PCDH15: variants seen among roughly 807,000 people sequenced by gnomAD.
The protein encoded by PCDH15 is protocadherin related 15.
PCDH15 carries 129 observed loss-of-function variants against 178.5 expected under a neutral mutation model. The observed-to-expected ratio is 0.72, with a 90% CI of 0.63 to 0.84. The LOEUF (loss-of-function observed/expected upper bound fraction) is 0.84, where lower values mean the gene tolerates loss of function less well. Among genes scored for constraint, PCDH15 ranks in the 40% least tolerant of loss-of-function variants. PCDH15 has a pLI of 0.00. For synonymous variants in PCDH15, 800 were observed against 732.0 expected (o/e 1.09, Z -1.50); for missense variants, 2,230 against 2,099.9 (o/e 1.06, Z -1.21).
At chr10:55,169,251 A>G (rs1839270712) in intron 1 of PCDH15, among the ~76,000 whole-genome samples, 1 of 152,198 alleles carries the variant, frequency 6.6e-6, no homozygotes, top group African/African-American at 2.4e-5. Context: ...CTAGTATTAA[A>G]ATGTAGTCAT....
intron 1 of PCDH15, among the ~76,000 whole-genome samples, chr10:54,718,453 C>T (rs1472749054): frequency 6.6e-6 from 1 of 151,922 alleles, no homozygotes; most frequent in East Asian, 1.9e-4. Context: ...CTATATGTAA[C>T]CAAAGAACTT....
intron 15 of PCDH15, among the ~76,000 whole-genome samples, chr10:54,098,319 T>C (rs1246305878): frequency 6.6e-6 from 1 of 152,078 alleles, no homozygotes; most frequent in East Asian, 1.9e-4. Flanking sequence ...GGCACACTGA[T>C]ATAAATATTT....
At chr10:54,389,705 G>A (rs559375473) in intron 3 of PCDH15, among the ~76,000 whole-genome samples, 1 of 151,490 alleles carries the variant, frequency 6.6e-6, no homozygotes, top group Non-Finnish European at 1.5e-5. Flanking sequence ...TTGGGAGGCC[G>A]AGGCGGGTGG....
intron 8 of PCDH15, among the ~76,000 whole-genome samples, chr10:54,266,677 A>ATG (rs1281422105): frequency 1.3e-5 from 2 of 151,880 alleles, no homozygotes; most frequent in East Asian, 3.9e-4. Context: ...GAACATTTCT[A>ATG]TGTGCACAAC....
chr10:54,343,776 C>T (rs1321710755), intron 6 of PCDH15, among the ~76,000 whole-genome samples: 3 of 150,762 alleles, frequency 2.0e-5, no homozygotes, highest in Non-Finnish European at 3.0e-5. Context: ...GCACATGTAC[C>T]CTAGAACTTA....
At chr10:53,820,354 ATTG>A (rs1217320973) in intron 32 of PCDH15, 124 bp from the exon 33 acceptor site, 6 of 390,582 alleles carry the variant, frequency 1.5e-5, no homozygotes, top group Non-Finnish European at 2.7e-5. Flanking sequence ...AGATTTACAG[ATTG>A]TTTTCTGTCT....
intron 26 of PCDH15, among the ~76,000 whole-genome samples, chr10:53,893,893 A>T (rs2081760914): frequency 6.6e-6 from 1 of 152,138 alleles, no homozygotes; most frequent in African/African-American, 2.4e-5. Context: ...AATCATCACT[A>T]AAGAACTTAT....
chr10:53,911,984 A>T (rs899097399), intron 25 of PCDH15, among the ~76,000 whole-genome samples: 1 of 152,162 alleles, frequency 6.6e-6, no homozygotes. Context: ...CCTGGCAGAG[A>T]CACAACAAAA....
chr10:54,727,035 G>C (rs114156497), intron 1 of PCDH15, among the ~76,000 whole-genome samples: 18,429 of 151,122 alleles, frequency 0.12, 1,260 homozygotes, highest in African/African-American at 0.17. Flanking sequence ...TTGCTAGAGA[G>C]GTTGACATGA....
At chr10:53,875,240 G>A (rs191215434) in intron 26 of PCDH15, among the ~76,000 whole-genome samples, 1 of 152,080 alleles carries the variant, frequency 6.6e-6, no homozygotes, top group African/African-American at 2.4e-5. Flanking sequence ...GAACCCACAT[G>A]TCATATAGAA....
intron 2 of PCDH15, among the ~76,000 whole-genome samples, chr10:55,341,496 T>C (rs1465863025): frequency 6.6e-6 from 1 of 151,442 alleles, no homozygotes; most frequent in Non-Finnish European, 1.5e-5. Context: ...GCTTTGCATG[T>C]ATCAACTTTG....
chr10:55,597,400 T>C (rs1220350754), intron 2 of PCDH15, among the ~76,000 whole-genome samples: 1 of 152,088 alleles, frequency 6.6e-6, no homozygotes, highest in African/African-American at 2.4e-5. Context: ...AGAGGTACCC[T>C]TGCCGACCCC....
intron 25 of PCDH15, among the ~76,000 whole-genome samples, chr10:53,904,212 G>T (rs1447378430): frequency 1.3e-5 from 2 of 152,124 alleles, no homozygotes; most frequent in African/African-American, 2.4e-5. Flanking sequence ...TAAAAAAATA[G>T]TCAAATAAGT....
At chr10:54,399,087 T>C (rs996453511) in intron 3 of PCDH15, among the ~76,000 whole-genome samples, 2 of 151,988 alleles carry the variant, frequency 1.3e-5, no homozygotes, top group African/African-American at 4.8e-5. Context: ...TCTCAACAAC[T>C]CTCTCTTAGA....
chr10:54,773,835 C>G (rs1002860619), intron 1 of PCDH15, among the ~76,000 whole-genome samples: 1 of 151,492 alleles, frequency 6.6e-6, no homozygotes, highest in Non-Finnish European at 1.5e-5. Flanking sequence ...CAAAAATAAC[C>G]TAAAGAAAAA....
chr10:54,586,764 G>C (rs940093646), intron 2 of PCDH15, among the ~76,000 whole-genome samples: 1 of 152,104 alleles, frequency 6.6e-6, no homozygotes, highest in Admixed American at 6.6e-5. Flanking sequence ...AAAGTGCTGG[G>C]ATTACAGGCA....
At chr10:53,854,027 G>A (rs1418860641) in intron 28 of PCDH15, among the ~76,000 whole-genome samples, 1 of 151,964 alleles carries the variant, frequency 6.6e-6, no homozygotes. Context: ...CTATTGAGAG[G>A]TGAACAGATG....
intron 2 of PCDH15, among the ~76,000 whole-genome samples, chr10:54,900,036 A>T (rs1954615374): frequency 6.6e-6 from 1 of 152,178 alleles, no homozygotes; most frequent in Non-Finnish European, 1.5e-5. Context: ...AAAAAAAATT[A>T]AAACATATAC....
intron 2 of PCDH15, among the ~76,000 whole-genome samples, chr10:55,050,672 C>A (rs1361312672): frequency 6.6e-6 from 1 of 151,974 alleles, no homozygotes; most frequent in Non-Finnish European, 1.5e-5. Context: ...ATATCCTCTA[C>A]TTCATGGTTT....
Sources: allele counts gnomAD v4.1 joint callset (sites outside exome capture counted in the v4.1 genomes callset), GRCh38; gene constraint gnomAD v4.1.1; transcripts MANE v1.5; gene names NCBI Gene and HGNC (gene_info 2026-07-23, HGNC 2026-07-21).